PDE1A: variants seen among roughly 807,000 people sequenced by gnomAD.
PDE1A encodes the protein dual specificity calcium/calmodulin-dependent 3',5'-cyclic nucleotide phosphodiesterase 1A.
A neutral mutation model predicts 61.7 loss-of-function variants in PDE1A; 35 were observed. That is an observed-to-expected ratio of 0.57 (90% CI 0.43 to 0.75). The LOEUF (loss-of-function observed/expected upper bound fraction) is 0.75, where lower values mean the gene tolerates loss of function less well. Ranked by LOEUF, PDE1A falls within the 30% of genes least tolerant of loss-of-function variation. PDE1A has a pLI of 0.00. For missense variants in PDE1A, 597 were observed against 630.6 expected (o/e 0.95, Z 0.57); for synonymous variants, 232 against 213.2 (o/e 1.09, Z -0.77).
intron 1 of PDE1A, among the ~76,000 whole-genome samples, chr2:182,364,466 T>TAAAAACAAAAAAAAAA (rs1699700787): frequency 2.8e-5 from 1 of 35,840 alleles, no homozygotes; most frequent in Non-Finnish European, 5.1e-5. Context: ...AACACTTTGG[T>TAAAAACAAAAAAAAAA]AAAAAAAAAA....
At chr2:182,410,252 A>G (rs1001762503) in intron 1 of PDE1A, among the ~76,000 whole-genome samples, 5 of 152,160 alleles carry the variant, frequency 3.3e-5, no homozygotes, top group Non-Finnish European at 7.3e-5. Flanking sequence ...CTGCAGTCCC[A>G]GCTACTTGAG....
chr2:182,536,476 A>G, the PDE1A span, among the ~76,000 whole-genome samples: 44 of 152,202 alleles, frequency 2.9e-4, no homozygotes, highest in Non-Finnish European at 5.7e-4. Flanking sequence ...CCATATGCCA[A>G]TCATTGACCT....
chr2:182,392,160 A>G (rs1212334055), intron 1 of PDE1A, among the ~76,000 whole-genome samples: 1 of 152,156 alleles, frequency 6.6e-6, no homozygotes, highest in Admixed American at 6.5e-5. Flanking sequence ...TGGGCAATTT[A>G]TAAAGAAAAA....
At chr2:182,371,019 T>C (rs1354129188) in intron 1 of PDE1A, among the ~76,000 whole-genome samples, 3 of 152,158 alleles carry the variant, frequency 2.0e-5, no homozygotes, top group Non-Finnish European at 2.9e-5. Flanking sequence ...TCAATTAACA[T>C]ATCTGAGAAA....
intron 2 of PDE1A, among the ~76,000 whole-genome samples, chr2:182,258,862 C>G (rs1692013697): frequency 1.3e-5 from 2 of 152,180 alleles, no homozygotes; most frequent in African/African-American, 4.8e-5. Context: ...TAATCTGTCA[C>G]TGTTGCTTGG....
chr2:182,696,675 G>A, the PDE1A span, among the ~76,000 whole-genome samples: 3 of 152,182 alleles, frequency 2.0e-5, no homozygotes, highest in Non-Finnish European at 2.9e-5. Context: ...CTACCACTCT[G>A]GGAGGGGATG....
At chr2:182,254,536 C>G (rs776548898) in intron 2 of PDE1A, among the ~76,000 whole-genome samples, 1 of 152,220 alleles carries the variant, frequency 6.6e-6, no homozygotes, top group Non-Finnish European at 1.5e-5. Flanking sequence ...CTGTCACCCT[C>G]CTGGTAGTCA....
At chr2:182,699,863 C>A in the PDE1A span, among the ~76,000 whole-genome samples, 1 of 152,126 alleles carries the variant, frequency 6.6e-6, no homozygotes, top group South Asian at 2.1e-4. Flanking sequence ...AAGAAGAAGA[C>A]AAGAGGTCAA....
At chr2:182,521,501 TACAA>T (rs2125990936) in intron 2 of PDE1A, among the ~76,000 whole-genome samples, 1 of 152,166 alleles carries the variant, frequency 6.6e-6, no homozygotes, top group East Asian at 1.9e-4. Context: ...AGATAAAGCA[TACAA>T]ACAGTGTGGT....
intron 13 of PDE1A, among the ~76,000 whole-genome samples, chr2:182,155,317 G>A (rs1691017596): frequency 6.6e-6 from 1 of 151,816 alleles, no homozygotes; most frequent in South Asian, 2.1e-4. Flanking sequence ...TTGAATTCCT[G>A]GACTCAAGCA....
chr2:182,696,695 G>T, the PDE1A span, among the ~76,000 whole-genome samples: 1 of 152,128 alleles, frequency 6.6e-6, no homozygotes, highest in Non-Finnish European at 1.5e-5. Flanking sequence ...GTTGACAATG[G>T]GGGAGGATGT....
At chr2:182,144,004 G>A (rs79407247), downstream of PDE1A, among the ~76,000 whole-genome samples, 2,781 of 152,268 alleles carry the variant, frequency 0.018, 93 homozygotes, top group African/African-American at 0.063. Flanking sequence ...AAGTGGGCCA[G>A]TGTGAGTGTA....
At chr2:182,539,839 G>A in the PDE1A span, among the ~76,000 whole-genome samples, 5 of 152,200 alleles carry the variant, frequency 3.3e-5, no homozygotes, top group African/African-American at 4.8e-5. Flanking sequence ...TTCATTGTCA[G>A]TTTTATGCAG....
At chr2:182,143,546 C>CA (rs1690331996), downstream of PDE1A, among the ~76,000 whole-genome samples, 1 of 151,998 alleles carries the variant, frequency 6.6e-6, no homozygotes, top group African/African-American at 2.4e-5. Context: ...AGACGAGTCT[C>CA]ACTCTGTCGC....
the PDE1A span, among the ~76,000 whole-genome samples, chr2:182,542,833 A>C: frequency 6.6e-6 from 1 of 152,246 alleles, no homozygotes; most frequent in Non-Finnish European, 1.5e-5. Context: ...TGCCAAAATC[A>C]TATCTTTATC....
chr2:182,712,464 A>C, the PDE1A span, among the ~76,000 whole-genome samples: 1 of 152,244 alleles, frequency 6.6e-6, no homozygotes, highest in Non-Finnish European at 1.5e-5. Flanking sequence ...AGACAACGGG[A>C]CAAGAAGTTA....
At chr2:182,375,687 A>G (rs1414222076) in intron 1 of PDE1A, among the ~76,000 whole-genome samples, 1 of 152,204 alleles carries the variant, frequency 6.6e-6, no homozygotes, top group African/African-American at 2.4e-5. Context: ...GTGGTACCCC[A>G]GTAGGGATTC....
At chr2:182,273,621 T>C (rs1374654306) in intron 1 of PDE1A, among the ~76,000 whole-genome samples, 1 of 152,074 alleles carries the variant, frequency 6.6e-6, no homozygotes, top group East Asian at 1.9e-4. Flanking sequence ...AAACAAACTA[T>C]GATGGCTGAA....
chr2:182,472,948 T>TC lies in PDE1A; in HGVS notation c.101+49327_101+49328insG, dbSNP rs34107698. ...CTTTTTAAAAATTTTATTAATTTTT[T>TC]TTTTTTAAATTTTTTATTTTATTGT... On this transcript the variant is annotated intron_variant, in intron 2 of 14. Coordinates refer to the PDE1A transcript ENST00000410103. 1.5e-3 allele frequency among the ~76,000 whole-genome samples: 19 copies of TC among 12,786 alleles called. No homozygotes were observed. In the East Asian group the frequency reaches 0.17, roughly 112 times the overall value. The allele number at this position is 12,786 out of a possible 152,430, so 8.4% of individuals were successfully genotyped here. A position where few individuals can be genotyped will look rare whatever the true frequency, so the allele number is the denominator to read the frequency against.
Sources: allele counts gnomAD v4.1 joint callset (sites outside exome capture counted in the v4.1 genomes callset), GRCh38; gene constraint gnomAD v4.1.1; transcripts MANE v1.5; gene names NCBI Gene and HGNC (gene_info 2026-07-23, HGNC 2026-07-21).